The following CADM2 variants were observed in gnomAD, a reference collection of about 807,000 sequenced individuals.
CADM2 encodes immunoglobulin superfamily member 4D.
A neutral mutation model predicts 49.8 loss-of-function variants in CADM2; 12 were observed. That is an observed-to-expected ratio of 0.24 (90% CI 0.15 to 0.39). The LOEUF (loss-of-function observed/expected upper bound fraction) is 0.39, where lower values mean the gene tolerates loss of function less well. CADM2 is among the 10% of genes least tolerant of loss of function. The probability of loss-of-function intolerance (pLI) is 1.00; values close to 1 mark genes in which losing one functional copy is unlikely to be tolerated. For synonymous variants in CADM2, 214 were observed against 175.4 expected, an observed-to-expected ratio of 1.22 and a Z score of -1.74; for missense variants, 378 against 492.3, an observed-to-expected ratio of 0.77 and a Z score of 2.20.
At chr3:85,984,671 A>G (rs192564368) in intron 8 of CADM2, among the ~76,000 whole-genome samples, 5 of 152,064 alleles carry the variant, frequency 3.3e-5, no homozygotes, top group African/African-American at 4.8e-5. Flanking sequence ...ACACTGTCCT[A>G]TTACTAAGAG....
chr3:84,964,111 G>A (rs9812061), intron 1 of CADM2, among the ~76,000 whole-genome samples: 1 of 151,694 alleles, frequency 6.6e-6, no homozygotes, highest in Non-Finnish European at 1.5e-5. Context: ...AACATAACAT[G>A]ACAAAGCTAA....
At chr3:85,718,704 A>G (rs895515187) in intron 1 of CADM2, among the ~76,000 whole-genome samples, 1 of 151,880 alleles carries the variant, frequency 6.6e-6, no homozygotes, top group Non-Finnish European at 1.5e-5. Context: ...ATAAAATATC[A>G]GTTATTTTGC....
intron 1 of CADM2, among the ~76,000 whole-genome samples, chr3:85,092,992 T>C (rs2037655377): frequency 6.6e-6 from 1 of 152,204 alleles, no homozygotes; most frequent in East Asian, 1.9e-4. Flanking sequence ...ATCAGCACTT[T>C]GCATAAACTT....
intron 1 of CADM2, among the ~76,000 whole-genome samples, chr3:85,531,714 G>C (rs145069719): frequency 1.3e-5 from 2 of 152,016 alleles, no homozygotes; most frequent in East Asian, 1.9e-4. Flanking sequence ...TTTTCCCCCA[G>C]TCTAAAAATA....
At chr3:85,466,686 G>A (rs1237363376) in intron 1 of CADM2, among the ~76,000 whole-genome samples, 4 of 151,742 alleles carry the variant, frequency 2.6e-5, no homozygotes, top group Non-Finnish European at 5.9e-5. Flanking sequence ...ACGTTTAGGA[G>A]ATAAACATTT....
intron 1 of CADM2, among the ~76,000 whole-genome samples, chr3:85,183,568 C>A (rs1254900257): frequency 6.6e-6 from 1 of 152,094 alleles, no homozygotes; most frequent in Non-Finnish European, 1.5e-5. Flanking sequence ...CCAGTGCCTT[C>A]AGAACGCTCT....
chr3:85,402,013 A>T (rs2035136072), intron 1 of CADM2, among the ~76,000 whole-genome samples: 2 of 152,206 alleles, frequency 1.3e-5, no homozygotes, highest in Non-Finnish European at 2.9e-5. Context: ...TACCTAAAAT[A>T]GTATTGTTCA....
At chr3:84,998,218 C>G (rs1257258690) in intron 1 of CADM2, among the ~76,000 whole-genome samples, 1 of 151,980 alleles carries the variant, frequency 6.6e-6, no homozygotes, top group Non-Finnish European at 1.5e-5. Context: ...TGTGTGATAC[C>G]TGGTCTCAGT....
intron 1 of CADM2, among the ~76,000 whole-genome samples, chr3:84,989,509 ATATT>A (rs761691011): frequency 1.3e-4 from 20 of 152,036 alleles, no homozygotes; most frequent in African/African-American, 4.6e-4. Context: ...TTTCAGGAGA[ATATT>A]TATTTTTCTG....
intron 1 of CADM2, among the ~76,000 whole-genome samples, chr3:85,483,789 TCTTA>T (rs1019198062): frequency 1.3e-5 from 2 of 151,488 alleles, no homozygotes; most frequent in Non-Finnish European, 3.0e-5. Context: ...CTACTGTTAT[TCTTA>T]CTTATATATA....
At chr3:86,047,235 G>A (rs1736792474) in intron 8 of CADM2, among the ~76,000 whole-genome samples, 1 of 152,116 alleles carries the variant, frequency 6.6e-6, no homozygotes, top group South Asian at 2.1e-4. Flanking sequence ...TAAGAAGTGA[G>A]TAATATTTCT....
chr3:85,352,077 A>T (rs1454198324), intron 1 of CADM2, among the ~76,000 whole-genome samples: 1 of 152,168 alleles, frequency 6.6e-6, no homozygotes, highest in East Asian at 1.9e-4. Flanking sequence ...CAGATAGAAG[A>T]TTATGACAAT....
chr3:85,132,602 T>C (rs2039267795), intron 1 of CADM2, among the ~76,000 whole-genome samples: 1 of 151,548 alleles, frequency 6.6e-6, no homozygotes, highest in Non-Finnish European at 1.5e-5. Context: ...ATAAATTTAG[T>C]TTTGAAATAT....
intron 1 of CADM2, among the ~76,000 whole-genome samples, chr3:85,421,457 G>A (rs1473179970): frequency 6.6e-6 from 1 of 152,134 alleles, no homozygotes; most frequent in Non-Finnish European, 1.5e-5. Flanking sequence ...AGAAGAATCA[G>A]TTTTCAAAGC....
At chr3:85,471,584 C>G (rs562824809) in intron 1 of CADM2, among the ~76,000 whole-genome samples, 3 of 151,998 alleles carry the variant, frequency 2.0e-5, no homozygotes, top group Admixed American at 1.3e-4. Flanking sequence ...TTAGATTTTC[C>G]TAAGACTTTT....
intron 3 of CADM2, among the ~76,000 whole-genome samples, chr3:85,829,537 T>A (rs959978161): frequency 6.6e-6 from 1 of 152,010 alleles, no homozygotes; most frequent in African/African-American, 2.4e-5. Context: ...TGATTTGATA[T>A]AAGTATGCAT....
At chr3:85,881,564 A>G (rs897434708) in intron 3 of CADM2, among the ~76,000 whole-genome samples, 5 of 152,128 alleles carry the variant, frequency 3.3e-5, no homozygotes, top group Non-Finnish European at 7.4e-5. Context: ...CTAGCTTTCA[A>G]TTATGGGCTG....
chr3:85,801,742 A>G (rs978426968), intron 2 of CADM2, among the ~76,000 whole-genome samples: 2 of 152,190 alleles, frequency 1.3e-5, no homozygotes, highest in Non-Finnish European at 2.9e-5. Context: ...GTATTAACTA[A>G]TGCAAAGCCT....
At chr3:85,365,307 T>C (rs1391843878) in intron 1 of CADM2, among the ~76,000 whole-genome samples, 1 of 151,798 alleles carries the variant, frequency 6.6e-6, no homozygotes, top group Non-Finnish European at 1.5e-5. Flanking sequence ...GGCTTTTCTC[T>C]TTGCCACCCT....
Sources: gnomAD v4.1 joint callset for allele counts (sites outside exome capture counted in the v4.1 genomes callset) on GRCh38, gnomAD v4.1.1 for gene constraint, MANE v1.5 for transcripts, NCBI Gene and HGNC (gene_info 2026-07-23, HGNC 2026-07-21) for gene names.